Variants in FAM13A observed in about 807,000 individuals in gnomAD.
FAM13A encodes the protein family with sequence similarity 13 member A.
Under a neutral mutation model 129.6 loss-of-function variants are expected in FAM13A, and 76 were observed. That is an observed-to-expected ratio of 0.59 (90% CI 0.49 to 0.71). The LOEUF (loss-of-function observed/expected upper bound fraction) is 0.71, where lower values mean the gene tolerates loss of function less well. FAM13A is among the 30% of genes least tolerant of loss of function. The probability of loss-of-function intolerance (pLI) is 0.00; values close to 1 mark genes in which losing one functional copy is unlikely to be tolerated. For missense variants in FAM13A, 1,108 were observed against 1,249.3 expected, an observed-to-expected ratio of 0.89 and a Z score of 1.70; for synonymous variants, 443 against 449.9, an observed-to-expected ratio of 0.98 and a Z score of 0.20.
chr4:88,777,445 G>C (rs899747248), intron 11 of FAM13A, among the ~76,000 whole-genome samples: 7 of 152,186 alleles, frequency 4.6e-5, no homozygotes, highest in African/African-American at 1.7e-4. Context: ...AAGGGCACAG[G>C]TATGAGCTTG....
In FAM13A at chr4:88,938,186, C is replaced by A; in HGVS notation, c.661G>T (p.Ala221Ser). The change falls in exon 5 of 24, where the codon GCT (alanine) becomes TCT (serine). Residue 221 changes from alanine (A) to serine (S), a missense_variant. Ala to Ser is a moderately conservative substitution (Grantham distance 99). Around this residue, in one of 3 missense-constraint regions of FAM13A, gnomAD observed 566 missense variants for 595.7 expected, o/e 0.95. Transcript: ENST00000264344. ...GTATTGTAATTTTCTAGAATTTTAG[C>A]CATTATCTTGTTGCACAGGTCCTGT... ...KEQDLCNKIM[A>S]KILENYNTLF... 3 of 1,613,154 alleles carry A rather than the reference C, an allele frequency of 1.9e-6. No individual in the cohort carries two copies. Among genetic ancestry groups the A allele is most frequent in the Non-Finnish European group, 1.7e-6 (2 of 1,179,396 alleles).
At chr4:88,863,890 A>G (rs1017785946) in intron 6 of FAM13A, among the ~76,000 whole-genome samples, 1 of 152,264 alleles carries the variant, frequency 6.6e-6, no homozygotes, top group Non-Finnish European at 1.5e-5. Flanking sequence ...TTCCACTTAA[A>G]GGATTTCACA....
intron 4 of FAM13A, among the ~76,000 whole-genome samples, chr4:88,981,058 GT>G (rs1761604309): frequency 6.6e-6 from 1 of 152,142 alleles, no homozygotes; most frequent in South Asian, 2.1e-4. Context: ...ATCTTTGAAA[GT>G]TTCAGGAATA....
intron 5 of FAM13A, among the ~76,000 whole-genome samples, chr4:88,909,170 T>C (rs977938521): frequency 2.0e-5 from 3 of 152,198 alleles, no homozygotes; most frequent in Non-Finnish European, 4.4e-5. Context: ...TTATTCATAA[T>C]AGCCTAAAAG....
At chr4:88,918,419 G>A (rs1264710936) in intron 5 of FAM13A, among the ~76,000 whole-genome samples, 2 of 152,194 alleles carry the variant, frequency 1.3e-5, no homozygotes, top group Non-Finnish European at 2.9e-5. Context: ...CAGAGAGTAT[G>A]AGTAACTTGT....
intron 6 of FAM13A, among the ~76,000 whole-genome samples, chr4:88,892,249 G>C (rs1350297701): frequency 1.4e-5 from 2 of 143,612 alleles, no homozygotes; most frequent in African/African-American, 5.2e-5. Context: ...GCGAGATCTC[G>C]GCTCACTGCA....
At chr4:88,904,804 C>A (rs1193187178) in intron 6 of FAM13A, among the ~76,000 whole-genome samples, 1 of 152,092 alleles carries the variant, frequency 6.6e-6, no homozygotes. Flanking sequence ...AGAAATTTTT[C>A]TTTTCACTGG....
intron 6 of FAM13A, among the ~76,000 whole-genome samples, chr4:88,900,714 T>C (rs1747161286): frequency 6.6e-6 from 1 of 151,986 alleles, no homozygotes; most frequent in Non-Finnish European, 1.5e-5. Context: ...CACAGGTTAG[T>C]GATACTATAA....
In FAM13A at chr4:88,757,575, C is replaced by T. The variant is rs145660364; in HGVS notation, c.1726+1179G>A. 7.9e-5 allele frequency among the ~76,000 whole-genome samples: 12 copies of T among 152,228 alleles called. No individual in the cohort carries two copies. In the East Asian group the frequency reaches 1.9e-3, roughly 25 times the overall value. On this transcript the variant is annotated intron_variant, in intron 14 of 23. Coordinates refer to ENST00000264344, the MANE Select transcript of FAM13A (RefSeq NM_014883.4). The stretch of plus-strand genomic sequence containing the variant: ...TGAAATTACAAATTAAACAACCCTG[C>T]GTTTTGCTGCTCAGTGAATACATTT...
In FAM13A at chr4:88,808,450, A is replaced by G. The variant is rs78363248; in HGVS notation, c.1008-3398T>C. On this transcript the variant is annotated intron_variant, in intron 7 of 23. Transcript: ENST00000264344. The stretch of plus-strand genomic sequence containing the variant: ...TCTTTAACAAAGATCATTTACACCT[A>G]TTTCTGTTTTCGTGTCAATCTGTCA... Among the ~76,000 whole-genome samples, 705 of 152,254 alleles carry G rather than the reference A, an allele frequency of 4.6e-3. 27 individuals carry two copies. The East Asian group carries it at 0.098, about 21-fold the overall frequency.
intron 13 of FAM13A, among the ~76,000 whole-genome samples, chr4:88,760,692 GA>G (rs906657798): frequency 1.3e-5 from 2 of 151,534 alleles, no homozygotes; most frequent in Non-Finnish European, 2.9e-5. Context: ...GTTTACTGGG[GA>G]AAAAGCCAGA....
intron 13 of FAM13A, among the ~76,000 whole-genome samples, chr4:88,764,457 A>T (rs1212601620): frequency 6.6e-6 from 1 of 152,182 alleles, no homozygotes; most frequent in African/African-American, 2.4e-5. Context: ...GGTTTTATAG[A>T]GAAGTATAAA....
intron 4 of FAM13A, among the ~76,000 whole-genome samples, chr4:88,965,130 G>A (rs990545293): frequency 6.6e-6 from 1 of 152,084 alleles, no homozygotes; most frequent in Non-Finnish European, 1.5e-5. Context: ...TATGATAAAT[G>A]GTACAATTTG....
intron 11 of FAM13A, among the ~76,000 whole-genome samples, chr4:88,775,057 G>A (rs1179219708): frequency 6.6e-6 from 1 of 152,212 alleles, no homozygotes; most frequent in East Asian, 1.9e-4. Flanking sequence ...AGTTCAGATA[G>A]AGAAGAGATA....
At chr4:89,023,272 T>C (rs1007258537) in intron 2 of FAM13A, among the ~76,000 whole-genome samples, 1 of 152,160 alleles carries the variant, frequency 6.6e-6, no homozygotes, top group Non-Finnish European at 1.5e-5. Context: ...ATCAAGCAGC[T>C]AGCATCCAAC....
At chr4:88,789,066 C>T (rs184429828) in intron 9 of FAM13A, among the ~76,000 whole-genome samples, 4 of 152,190 alleles carry the variant, frequency 2.6e-5, no homozygotes, top group African/African-American at 9.6e-5. Context: ...AAGAGATGTA[C>T]ATAATATATA....
intron 4 of FAM13A, among the ~76,000 whole-genome samples, chr4:88,953,050 A>T (rs975538051): frequency 1.3e-5 from 2 of 152,212 alleles, no homozygotes; most frequent in Non-Finnish European, 2.9e-5. Flanking sequence ...TACAATTAAC[A>T]TCTTATACAA....
At chr4:89,050,258 C>CT (rs1204460236) in intron 1 of FAM13A, among the ~76,000 whole-genome samples, 7 of 151,950 alleles carry the variant, frequency 4.6e-5, no homozygotes, top group African/African-American at 1.7e-4. Flanking sequence ...GTCACCCATG[C>CT]TGGAGTGCAG....
chr4:89,035,454 A>G (rs1769260657), intron 1 of FAM13A, among the ~76,000 whole-genome samples: 1 of 152,006 alleles, frequency 6.6e-6, no homozygotes, highest in South Asian at 2.1e-4. Context: ...AACAAAAAGG[A>G]AAGAAAGAAA....
Sources: gnomAD v4.1 joint callset for allele counts (sites outside exome capture counted in the v4.1 genomes callset) on GRCh38, gnomAD v4.1.1 for gene constraint, gnomAD v4.1.1 regional missense constraint, MANE v1.5 for transcripts, NCBI Gene and HGNC (gene_info 2026-07-23, HGNC 2026-07-21) for gene names.